Variants in EML6 observed in about 807,000 individuals in gnomAD.
The protein encoded by EML6 is EMAP like 6, also known as echinoderm microtubule-associated protein-like 6.
Under a neutral mutation model 240.1 loss-of-function variants are expected in EML6, and 154 were observed. That is an observed-to-expected ratio of 0.64 (90% CI 0.56 to 0.73). The LOEUF (loss-of-function observed/expected upper bound fraction) is 0.73. Ranked by LOEUF, EML6 falls within the 30% of genes least tolerant of loss-of-function variation. The pLI is 0.00. For synonymous variants in EML6, 1,148 were observed against 899.0 expected, an observed-to-expected ratio of 1.28 and a Z score of -4.95; for missense variants, 2,964 against 2,474.6, an observed-to-expected ratio of 1.20 and a Z score of -4.20.
chr2:54,797,164 C>CAAAAAAAAAAAAAAAAAAAAAAAACAA (rs1669834298), intron 2 of EML6, among the ~76,000 whole-genome samples: 1 of 43,818 alleles, frequency 2.3e-5, no homozygotes, highest in Non-Finnish European at 4.0e-5. Context: ...GACTCCATCT[C>CAAAAAAAAAAAAAAAAAAAAAAAACAA]AAAAAAAAAA....
chr2:54,872,838 G>A (rs1671324893), intron 16 of EML6, among the ~76,000 whole-genome samples: 1 of 152,148 alleles, frequency 6.6e-6, no homozygotes, highest in African/African-American at 2.4e-5. Flanking sequence ...AACTTTACAG[G>A]GAGAAATAAC....
chr2:54,823,749 G>T (rs1265342389), intron 5 of EML6, among the ~76,000 whole-genome samples: 2 of 151,908 alleles, frequency 1.3e-5, no homozygotes, highest in African/African-American at 2.4e-5. Context: ...GACCCTAGGG[G>T]GTTAGGTGGG....
chr2:54,823,850 T>TTCTCTTTCTCTCTCTCTCTC (rs1553387711), intron 5 of EML6, among the ~76,000 whole-genome samples: 1 of 72,286 alleles, frequency 1.4e-5, no homozygotes, highest in African/African-American at 5.4e-5. Context: ...CATTCATTCA[T>TTCTCTTTCTCTCTCTCTCTC]TCTCTCTCTC....
rs991520349 is a variant in EML6 at position 54,917,279 on chromosome 2, A to C, written c.3675+344A>C. 2.0e-5 allele frequency among the ~76,000 whole-genome samples: 3 copies of C among 151,372 alleles called. 1 individual carries two copies. The highest frequency in any genetic ancestry group is 4.2e-4 in the South Asian group (2 of 4,762). ...GAACTTAATATCACACAGCACCCCA[A>C]CTGATTTTTAAATACCTCCAATTGT... On this transcript the variant is annotated intron_variant, in intron 26 of 41. Transcript: ENST00000356458.
chr2:54,867,984 C>T (rs920940346), intron 14 of EML6: 4 of 152,122 alleles, frequency 2.6e-5, no homozygotes, highest in Non-Finnish European at 4.4e-5. Flanking sequence ...ACTAGCCACA[C>T]ACAGTCACTG....
intron 38 of EML6, among the ~76,000 whole-genome samples, 162 bp downstream of exon 38, chr2:54,964,895 A>G (rs1359586280): frequency 6.6e-6 from 1 of 152,230 alleles, no homozygotes; most frequent in African/African-American, 2.4e-5. Context: ...ATAAATGTAG[A>G]AACAGAGGCT....
chr2:54,755,553 T>C (rs1684359886), intron 2 of EML6, among the ~76,000 whole-genome samples: 1 of 152,264 alleles, frequency 6.6e-6, no homozygotes, highest in African/African-American at 2.4e-5. Context: ...GGAAGTCTTA[T>C]CCATCTTTTG....
chr2:54,826,427 C>A (rs1022429404), intron 5 of EML6, among the ~76,000 whole-genome samples: 2 of 151,580 alleles, frequency 1.3e-5, no homozygotes, highest in Admixed American at 6.6e-5. Flanking sequence ...GGTGAAACCC[C>A]ATCTCTACTA....
chr2:54,735,332 A>C (rs545753285), intron 2 of EML6, among the ~76,000 whole-genome samples: 2 of 152,184 alleles, frequency 1.3e-5, no homozygotes, highest in Non-Finnish European at 2.9e-5. Flanking sequence ...GGGCATAGTA[A>C]GTGCTTTGGA....
intron 36 of EML6, among the ~76,000 whole-genome samples, chr2:54,963,532 A>AGG (rs1421368294): frequency 1.3e-5 from 2 of 152,050 alleles, no homozygotes; most frequent in African/African-American, 2.4e-5. Context: ...CAGGATTCAG[A>AGG]ATTTGAACTA....
chr2:54,939,952 G>A (rs1675344827), intron 28 of EML6, among the ~76,000 whole-genome samples: 1 of 152,202 alleles, frequency 6.6e-6, no homozygotes, highest in Admixed American at 6.5e-5. Context: ...ATTATTCTTA[G>A]CAGCAGATTA....
At chr2:54,908,776 C>G (rs1490597261) in intron 24 of EML6, among the ~76,000 whole-genome samples, 1 of 152,212 alleles carries the variant, frequency 6.6e-6, no homozygotes, top group East Asian at 1.9e-4. Context: ...TAGGCACCAA[C>G]TGATTCAGCC....
intron 2 of EML6, among the ~76,000 whole-genome samples, chr2:54,761,276 A>G (rs1486986426): frequency 6.6e-6 from 1 of 152,166 alleles, no homozygotes; most frequent in African/African-American, 2.4e-5. Context: ...GAACCAAAAA[A>G]TATGATAATA....
chr2:54,828,308 C>T (rs1443923950), intron 6 of EML6, among the ~76,000 whole-genome samples: 1 of 152,222 alleles, frequency 6.6e-6, no homozygotes, highest in Non-Finnish European at 1.5e-5. Context: ...TTCTGATGGT[C>T]TGCTCAGTAA....
At chr2:54,933,506 G>T (rs1382093259) in intron 28 of EML6, among the ~76,000 whole-genome samples, 5 of 152,070 alleles carry the variant, frequency 3.3e-5, no homozygotes, top group Non-Finnish European at 7.4e-5. Flanking sequence ...AGCCAAGGTG[G>T]GCAGATTACA....
intron 10 of EML6, among the ~76,000 whole-genome samples, chr2:54,851,662 T>A (rs1033138239): frequency 6.6e-6 from 1 of 152,232 alleles, no homozygotes; most frequent in Non-Finnish European, 1.5e-5. Context: ...ATGACCTGTT[T>A]AGTTCATTAT....
intron 28 of EML6, among the ~76,000 whole-genome samples, chr2:54,945,260 C>G (rs1675634852): frequency 1.8e-5 from 1 of 55,724 alleles, no homozygotes; most frequent in Non-Finnish European, 4.3e-5. Context: ...CTCTCCCTCC[C>G]CCTTCTCTCT....
chr2:54,758,677 C>G lies in EML6; in HGVS notation c.197+33419C>G, dbSNP rs1204110379. 2.0e-5 allele frequency among the ~76,000 whole-genome samples: 3 copies of G among 152,144 alleles called. No homozygotes were observed. In the East Asian group the frequency reaches 5.8e-4, roughly 29 times the overall value. On this transcript the variant is annotated intron_variant, in intron 2 of 41. Transcript: ENST00000356458. Reference sequence around the variant, plus strand: ...ATTCTGGAAGACAGGATCATGTTATCTTGTTCACTGTTAAATATCTAGTGC... The same window carrying G: ...ATTCTGGAAGACAGGATCATGTTATGTTGTTCACTGTTAAATATCTAGTGC...
At position 54,725,320 on chromosome 2, in the gene EML6, C is replaced by G. The variant is rs1682863096; in HGVS notation, c.197+62C>G. The stretch of plus-strand genomic sequence containing the variant: ...GTGTGGAGGCTGGGAAGGTGGGAAG[C>G]GGTTGACCTGGGGTCGGATCCGGGA... On this transcript the variant is annotated intron_variant, in intron 2 of 41. Transcript: ENST00000356458. The surrounding 1 kb of genome is among the most constrained non-coding windows in gnomAD (Gnocchi z 4.3). The G allele has an allele frequency of 1.6e-6, 2 of 1,274,078 alleles. No individual in the cohort carries two copies. The highest frequency in any genetic ancestry group is 3.5e-5 in the South Asian group (2 of 56,544). 78.9% of individuals were successfully genotyped at this position (1,274,078 alleles called of 1,614,324 possible). A position where few individuals can be genotyped will look rare whatever the true frequency, so the allele number is the denominator to read the frequency against.
Sources: allele counts gnomAD v4.1 joint callset (sites outside exome capture counted in the v4.1 genomes callset), GRCh38; gene constraint gnomAD v4.1.1; non-coding constraint Gnocchi (gnomAD v3.1); transcripts MANE v1.5; gene names NCBI Gene and HGNC (gene_info 2026-07-23, HGNC 2026-07-21).